HS2ST1: variants seen among roughly 807,000 people sequenced by gnomAD.
HS2ST1 encodes heparan sulfate 2-O-sulfotransferase 1.
A neutral mutation model predicts 42.9 loss-of-function variants in HS2ST1; 18 were observed. The observed-to-expected ratio is 0.42, with a 90% CI of 0.29 to 0.62. The LOEUF is 0.62. Among genes scored for constraint, HS2ST1 ranks in the 20% least tolerant of loss-of-function variants. The pLI is 0.21. For synonymous variants in HS2ST1, 146 were observed against 152.9 expected (o/e 0.95, Z 0.33); for missense variants, 334 against 433.8 (o/e 0.77, Z 2.04).
At chr1:87,093,042 T>C (rs552436933) in intron 4 of HS2ST1, among the ~76,000 whole-genome samples, 1 of 152,216 alleles carries the variant, frequency 6.6e-6, no homozygotes, top group Admixed American at 6.6e-5. Context: ...GACACTATTT[T>C]GCTGAAGCAG....
At chr1:87,024,383 C>T (rs764942464) in intron 1 of HS2ST1, among the ~76,000 whole-genome samples, 1 of 152,012 alleles carries the variant, frequency 6.6e-6, no homozygotes, top group Non-Finnish European at 1.5e-5. Flanking sequence ...CGACTGTAAT[C>T]CCAGCTAATC....
intron 1 of HS2ST1, 32 bp downstream of exon 1, chr1:86,915,192 T>C (rs1660117507): frequency 6.3e-7 from 1 of 1,595,686 alleles, no homozygotes; most frequent in African/African-American, 1.3e-5. Flanking sequence ...GGCTGAGTGC[T>C]GTGGAAGGGG....
chr1:86,935,715 C>T (rs1427437522), intron 1 of HS2ST1, among the ~76,000 whole-genome samples: 2 of 152,058 alleles, frequency 1.3e-5, no homozygotes, highest in Non-Finnish European at 2.9e-5. Context: ...CTGCGCACCT[C>T]GGCCTCCTAA....
At chr1:86,983,828 G>A (rs1321924702) in intron 1 of HS2ST1, among the ~76,000 whole-genome samples, 1 of 152,038 alleles carries the variant, frequency 6.6e-6, no homozygotes, top group African/African-American at 2.4e-5. Context: ...GGATCACAAG[G>A]TCAGGAGTTC....
rs781650603 is a variant in HS2ST1, at chr1:87,104,741, G to C, written c.*45G>C. On this transcript the variant is annotated 3_prime_UTR_variant, in exon 7 of 7. Coordinates refer to ENST00000370550, the MANE Select transcript of HS2ST1 (RefSeq NM_012262.4). ...GATTCTTGAACTAAAATTTGACCCTGTCTTCACCTTTGTTCTCAGCTCCAC... is the reference window on the plus strand; with the variant it reads ...GATTCTTGAACTAAAATTTGACCCTCTCTTCACCTTTGTTCTCAGCTCCAC... 3.3e-6 allele frequency: 4 copies of C among 1,207,920 alleles called. No homozygotes were observed. 74.8% of individuals were successfully genotyped at this position (1,207,920 alleles called of 1,614,324 possible). A position where few individuals can be genotyped will look rare whatever the true frequency, so the allele number is the denominator to read the frequency against.
At chr1:87,045,376 A>C in intron 1 of HS2ST1, 4 of 1,446,204 alleles carry the variant, frequency 2.8e-6, no homozygotes, top group Admixed American at 1.7e-5. Flanking sequence ...CCTTTTCAGA[A>C]GATATTAGGA....
chr1:86,920,364 T>A (rs190188707), intron 1 of HS2ST1, among the ~76,000 whole-genome samples: 1 of 152,230 alleles, frequency 6.6e-6, no homozygotes, highest in Admixed American at 6.5e-5. Context: ...CCTGAAACCA[T>A]GCAGCAATAC....
chr1:87,067,395 C>T (rs1651281443), intron 1 of HS2ST1, among the ~76,000 whole-genome samples: 1 of 152,134 alleles, frequency 6.6e-6, no homozygotes, highest in African/African-American at 2.4e-5. Context: ...TGTTCATGTC[C>T]TTCACCCACT....
chr1:87,103,286 C>G, intron 5 of HS2ST1, 146 bp from the exon 6 acceptor site: 1 of 604,506 alleles, frequency 1.7e-6, no homozygotes. Flanking sequence ...AACAGGTGTG[C>G]CTCCCACAGG....
At chr1:86,928,162 C>T (rs1660460951) in intron 1 of HS2ST1, among the ~76,000 whole-genome samples, 1 of 151,994 alleles carries the variant, frequency 6.6e-6, no homozygotes, top group African/African-American at 2.4e-5. Context: ...TATTTTTGTT[C>T]TAAGACTTTG....
In HS2ST1 at chr1:87,072,921, T is replaced by G. The variant is rs747290455; in HGVS notation, c.125-13T>G. Reference sequence around the variant, plus strand: ...TCCTTAAAAACTTAGTTCGTATCTGTTTTTCTTTCCAGAAAGGGCTATTGC... The same window carrying G: ...TCCTTAAAAACTTAGTTCGTATCTGGTTTTCTTTCCAGAAAGGGCTATTGC... On this transcript the variant is annotated splice_polypyrimidine_tract_variant and intron_variant, in intron 1 of 6. Transcript: ENST00000370550. The G allele has an allele frequency of 1.3e-6, 2 of 1,598,872 alleles. No individual in the cohort carries two copies. The highest frequency in any genetic ancestry group is 3.3e-5 in the Admixed American group (2 of 59,934).
chr1:87,084,387 C>T, intron 3 of HS2ST1, 108 bp downstream of exon 3: 1 of 649,032 alleles, frequency 1.5e-6, no homozygotes, highest in Non-Finnish European at 2.6e-6. Context: ...AATGTACTGT[C>T]TTGCCTTTGC....
At position 87,075,161 on chromosome 1, in the gene HS2ST1, C is replaced by CTTTTTTTTT. The variant is rs34812948; in HGVS notation, c.363+2005_363+2013dup. Among the ~76,000 whole-genome samples, 9 of 48,602 alleles carry CTTTTTTTTT rather than the reference C, an allele frequency of 1.9e-4. 1 individual carries two copies. The highest frequency in any genetic ancestry group is 3.4e-4 in the Admixed American group (1 of 2,924). The allele number at this position is 48,602 out of a possible 152,430, so 31.9% of individuals were successfully genotyped here. ...GTCTCTGTGTACTGTTCTCAGCTAC[C>CTTTTTTTTT]TTTTTTTTTTTTTTTTTTTTTTTTG... On this transcript the variant is annotated intron_variant, in intron 2 of 6. Transcript: ENST00000370550.
At chr1:87,098,227 GT>G in intron 5 of HS2ST1, 1 of 993,944 alleles carries the variant, frequency 1.0e-6, no homozygotes, top group Non-Finnish European at 1.2e-6. Context: ...GAGACTGGGG[GT>G]GGGGGTGGGT....
chr1:87,081,970 C>CA (rs1041749210), intron 2 of HS2ST1, among the ~76,000 whole-genome samples: 1,359 of 62,332 alleles, frequency 0.022, 14 homozygotes, highest in South Asian at 0.027. Flanking sequence ...GACTCCGTCT[C>CA]AAAAAAAAAA....
chr1:87,104,884 G>C lies in HS2ST1; in HGVS notation c.*188G>C, dbSNP rs1300419450. ...GCATTGTCAGTGTTCTAAGTTTCAGGCATTTTTATTTTTCCTGGCTAAACG... is the reference window on the plus strand; with the variant it reads ...GCATTGTCAGTGTTCTAAGTTTCAGCCATTTTTATTTTTCCTGGCTAAACG... On this transcript the variant is annotated 3_prime_UTR_variant, in exon 7 of 7. Coordinates refer to ENST00000370550, the MANE Select transcript of HS2ST1 (RefSeq NM_012262.4). 1.9e-6 allele frequency: 1 copy of C among 515,846 alleles called. No homozygotes were observed. Among genetic ancestry groups the C allele is most frequent in the Non-Finnish European group, 3.4e-6 (1 of 292,966 alleles). 32.0% of individuals were successfully genotyped at this position (515,846 alleles called of 1,614,324 possible).
rs145986945 is a variant in HS2ST1 at position 86,972,808 on chromosome 1, T to G, written c.124+57648T>G. On this transcript the variant is annotated intron_variant, in intron 1 of 6. Coordinates refer to ENST00000370550, the MANE Select transcript of HS2ST1 (RefSeq NM_012262.4). ...GCAGGCCTTATTTGAATTCCACGTG[T>G]TTTTCTTCTAATGCCTTTCTTCTGA... Among the ~76,000 whole-genome samples, 697 of 152,306 alleles carry G rather than the reference T, an allele frequency of 4.6e-3. 4 individuals carry two copies. Among genetic ancestry groups the G allele is most frequent in the Middle Eastern group, 0.02 (6 of 294 alleles).
intron 1 of HS2ST1, among the ~76,000 whole-genome samples, chr1:87,026,848 GA>G (rs146361645): frequency 2.0e-5 from 3 of 150,740 alleles, no homozygotes; most frequent in East Asian, 1.9e-4. Flanking sequence ...TTGATGGGAA[GA>G]AAAAAAAACT....
chr1:86,970,898 A>T (rs1648213890), intron 1 of HS2ST1, among the ~76,000 whole-genome samples: 1 of 152,144 alleles, frequency 6.6e-6, no homozygotes, highest in African/African-American at 2.4e-5. Context: ...CAGGTCAAAT[A>T]TTTTAATATT....
Sources: gnomAD v4.1 joint callset for allele counts (sites outside exome capture counted in the v4.1 genomes callset) on GRCh38, gnomAD v4.1.1 for gene constraint, MANE v1.5 for transcripts, NCBI Gene and HGNC (gene_info 2026-07-23, HGNC 2026-07-21) for gene names.